Variants in ZNF609 observed in about 807,000 individuals in gnomAD.
ZNF609 encodes the protein zinc finger protein 609.
ZNF609 carries 11 observed loss-of-function variants against 109.5 expected under a neutral mutation model. The ratio of observed to expected loss-of-function variants is 0.10; its 90% confidence interval spans 0.06 to 0.17. ZNF609 has a LOEUF of 0.17. Among genes scored for constraint, ZNF609 ranks in the 10% least tolerant of loss-of-function variants. ZNF609 has a pLI of 1.00. For missense variants in ZNF609, 1,559 were observed against 1,772.4 expected (o/e 0.88, Z 2.16); for synonymous variants, 646 against 662.0 (o/e 0.98, Z 0.37).
rs377588372 is a variant in ZNF609, at chr15:64,684,471, ATC to A, written c.*2786_*2787del. On this transcript the variant is annotated 3_prime_UTR_variant, in exon 10 of 10. Transcript: ENST00000326648. ...AAGGCTTGGAGAGCTGCTCTTTAGGATCCACATCAACTACTTCCTCATTTTAA... is the reference window on the plus strand; with the variant it reads ...AAGGCTTGGAGAGCTGCTCTTTAGGACACATCAACTACTTCCTCATTTTAA... The A allele has an allele frequency of 5.8e-4, 89 of 152,350 alleles. No individual in the cohort carries two copies. The highest frequency in any genetic ancestry group is 2.0e-3 in the African/African-American group (82 of 41,570). 9.4% of individuals were successfully genotyped at this position (152,350 alleles called of 1,614,324 possible).
chr15:64,611,967 C>T (rs190984114), intron 2 of ZNF609, among the ~76,000 whole-genome samples: 41 of 151,316 alleles, frequency 2.7e-4, no homozygotes, highest in African/African-American at 9.7e-4. Context: ...GAACTCCTCA[C>T]CTCATGATCC....
intron 2 of ZNF609, among the ~76,000 whole-genome samples, chr15:64,595,437 G>C (rs1895378607): frequency 6.6e-6 from 1 of 151,886 alleles, no homozygotes; most frequent in Non-Finnish European, 1.5e-5. Context: ...CAATGCAGCT[G>C]TGCCAGAGAA....
At chr15:64,658,028 G>T (rs1896515918) in intron 3 of ZNF609, among the ~76,000 whole-genome samples, 1 of 152,104 alleles carries the variant, frequency 6.6e-6, no homozygotes, top group African/African-American at 2.4e-5. Context: ...GACTGCACTG[G>T]TAGAAGTGGC....
Position 64,499,697 on chromosome 15 carries a change from G to A in ZNF609, c.278G>A (p.Ser93Asn), listed in dbSNP as rs375242172. 1.2e-6 allele frequency: 2 copies of A among 1,613,986 alleles called. No homozygotes were observed. The highest frequency in any genetic ancestry group is 1.3e-5 in the African/African-American group (1 of 74,920). Residue 93 changes from serine (S) to asparagine (N), a missense_variant, in exon 2 of 10, where the codon AGT becomes AAT. By Grantham distance (46) the Ser-to-Asn change is conservative. Transcript: ENST00000326648. ...GAAGGCAAATCAAAATCCAAAAGGA[G>A]TAAGAGTGGCAAAGACACTAGCAAA... ...GKEGKSKSKRSKSGKDTSKPT... is the reference protein window; with the variant it reads ...GKEGKSKSKRNKSGKDTSKPT...
chr15:64,645,532 T>G (rs536362900), intron 3 of ZNF609, among the ~76,000 whole-genome samples: 2 of 152,130 alleles, frequency 1.3e-5, no homozygotes, highest in African/African-American at 4.8e-5. Flanking sequence ...AAAAGAAAAA[T>G]TAGATAAATT....
intron 2 of ZNF609, chr15:64,502,091 G>A (rs1428675420): frequency 3.3e-5 from 5 of 152,200 alleles, no homozygotes; most frequent in Non-Finnish European, 7.3e-5. Flanking sequence ...AGCAGAATGA[G>A]AAAGAAAAGG....
intron 3 of ZNF609, among the ~76,000 whole-genome samples, chr15:64,649,921 A>G (rs1896389600): frequency 6.6e-6 from 1 of 152,132 alleles, no homozygotes; most frequent in Admixed American, 6.6e-5. Flanking sequence ...AAATCAGAAC[A>G]TTTATCTAGG....
chr15:64,598,388 C>CT (rs1470196386), intron 2 of ZNF609, among the ~76,000 whole-genome samples: 1 of 152,078 alleles, frequency 6.6e-6, no homozygotes, highest in Non-Finnish European at 1.5e-5. Context: ...AGTGCTGGGA[C>CT]TACAGGCATG....
chr15:64,670,654 G>A (rs550051580), intron 4 of ZNF609, among the ~76,000 whole-genome samples: 15 of 152,048 alleles, frequency 9.9e-5, no homozygotes, highest in Middle Eastern at 3.4e-3. Context: ...TGAGGCAGGC[G>A]GATCACCTGA....
At chr15:64,613,390 T>C (rs971205820) in intron 2 of ZNF609, among the ~76,000 whole-genome samples, 1 of 152,154 alleles carries the variant, frequency 6.6e-6, no homozygotes, top group Non-Finnish European at 1.5e-5. Flanking sequence ...GTTTTGGGAT[T>C]TACTCAGGGT....
intron 3 of ZNF609, among the ~76,000 whole-genome samples, chr15:64,652,722 A>G (rs1243282289): frequency 6.6e-6 from 1 of 152,070 alleles, no homozygotes; most frequent in East Asian, 1.9e-4. Flanking sequence ...TTTTAGAGAT[A>G]GAGTCTCACT....
At chr15:64,551,462 C>T (rs1894472492) in intron 2 of ZNF609, among the ~76,000 whole-genome samples, 1 of 151,942 alleles carries the variant, frequency 6.6e-6, no homozygotes, top group African/African-American at 2.4e-5. Flanking sequence ...TCGAGACCAG[C>T]CTCAACATGG....
At chr15:64,508,681 A>G (rs513265) in intron 2 of ZNF609, among the ~76,000 whole-genome samples, 1 of 139,954 alleles carries the variant, frequency 7.1e-6, no homozygotes, top group Non-Finnish European at 1.6e-5. Context: ...TGAGACCCAG[A>G]AAATTTTTTT....
At chr15:64,616,755 G>C (rs1039760092) in intron 2 of ZNF609, among the ~76,000 whole-genome samples, 1 of 139,458 alleles carries the variant, frequency 7.2e-6, no homozygotes, top group African/African-American at 2.7e-5. Context: ...TCCTGACCTT[G>C]TGATCCACCC....
At chr15:64,525,494 T>C (rs955713149) in intron 2 of ZNF609, among the ~76,000 whole-genome samples, 2 of 152,238 alleles carry the variant, frequency 1.3e-5, no homozygotes, top group Non-Finnish European at 2.9e-5. Flanking sequence ...GTAGTAAGTG[T>C]TGAGAATTGT....
intron 3 of ZNF609, among the ~76,000 whole-genome samples, chr15:64,632,504 CAG>C (rs1221522858): frequency 1.3e-5 from 2 of 151,692 alleles, no homozygotes; most frequent in Non-Finnish European, 2.9e-5. Context: ...TTTTTTGAGA[CAG>C]AGTCTTACTC....
intron 3 of ZNF609, among the ~76,000 whole-genome samples, chr15:64,665,554 C>A (rs781438613): frequency 2.6e-5 from 4 of 152,076 alleles, no homozygotes; most frequent in Non-Finnish European, 5.9e-5. Flanking sequence ...GAGTTGAAAC[C>A]AGCCTGGGTA....
chr15:64,495,433 G>A (rs1256857781), intron 1 of ZNF609, among the ~76,000 whole-genome samples: 4 of 151,800 alleles, frequency 2.6e-5, no homozygotes, highest in Admixed American at 1.3e-4. Flanking sequence ...TCGCTCTGTC[G>A]CCCAGTCTAG....
At position 64,520,906 on chromosome 15, in the gene ZNF609, T is replaced by C. The variant is rs1893881801; in HGVS notation, c.747+20740T>C. Among the ~76,000 whole-genome samples, 4 of 152,226 alleles carry C rather than the reference T, an allele frequency of 2.6e-5. No individual in the cohort carries two copies. The South Asian group carries it at 8.3e-4, about 32-fold the overall frequency. On this transcript the variant is annotated intron_variant, in intron 2 of 9. Transcript: ENST00000326648. ...TTTCTTCCCACCTTCTCTGCTACAC[T>C]GACAGCAAAGGAGAGGCTCACCTGA...
Sources: gnomAD v4.1 joint callset for allele counts (sites outside exome capture counted in the v4.1 genomes callset) on GRCh38, gnomAD v4.1.1 for gene constraint, MANE v1.5 for transcripts, NCBI Gene and HGNC (gene_info 2026-07-23, HGNC 2026-07-21) for gene names.